The following EPB41L3 variants were observed in gnomAD, a reference collection of about 807,000 sequenced individuals.
EPB41L3 encodes the protein erythrocyte membrane protein band 4.1 like 3.
A neutral mutation model predicts 127.1 loss-of-function variants in EPB41L3; 57 were observed. The observed-to-expected ratio is 0.45, with a 90% CI of 0.36 to 0.56. The LOEUF is 0.56. Ranked by LOEUF, EPB41L3 falls within the 20% of genes least tolerant of loss-of-function variation. The pLI is 0.00. For missense variants in EPB41L3, 1,273 were observed against 1,372.2 expected, an observed-to-expected ratio of 0.93 and a Z score of 1.14; for synonymous variants, 572 against 549.5, an observed-to-expected ratio of 1.04 and a Z score of -0.57.
At chr18:5,551,453 G>A (rs561351131) in intron 3 of EPB41L3, among the ~76,000 whole-genome samples, 14 of 152,286 alleles carry the variant, frequency 9.2e-5, no homozygotes, top group South Asian at 6.2e-4. Context: ...GGCTGGGCAC[G>A]GTGGCTCGCT....
chr18:5,563,719 T>C (rs1243105110), intron 3 of EPB41L3, among the ~76,000 whole-genome samples: 1 of 152,164 alleles, frequency 6.6e-6, no homozygotes, highest in African/African-American at 2.4e-5. Flanking sequence ...GGTGGTGCCA[T>C]TTTTTGATAA....
chr18:5,628,459 G>C (rs77972237), intron 1 of EPB41L3, among the ~76,000 whole-genome samples: 1 of 152,236 alleles, frequency 6.6e-6, no homozygotes, highest in African/African-American at 2.4e-5. Context: ...CCTCCTGGCT[G>C]GGTTGGGTCC....
chr18:5,533,863 C>G (rs186441692), intron 1 of EPB41L3, among the ~76,000 whole-genome samples: 2 of 141,968 alleles, frequency 1.4e-5, no homozygotes, highest in Non-Finnish European at 3.1e-5. Flanking sequence ...AAGTTATGGA[C>G]CAGCCATAAA....
chr18:5,474,133 A>C (rs965568828), intron 3 of EPB41L3, among the ~76,000 whole-genome samples: 2 of 151,980 alleles, frequency 1.3e-5, no homozygotes, highest in African/African-American at 4.8e-5. Flanking sequence ...CAGGAGGCTG[A>C]GGCAGGAGAA....
intron 3 of EPB41L3, among the ~76,000 whole-genome samples, chr18:5,554,290 C>T (rs764181310): frequency 3.3e-5 from 5 of 152,244 alleles, no homozygotes; most frequent in African/African-American, 4.8e-5. Context: ...TGGAACAGTG[C>T]CTGGCATGGA....
At chr18:5,516,870 G>A (rs2092772516) in intron 1 of EPB41L3, among the ~76,000 whole-genome samples, 1 of 152,138 alleles carries the variant, frequency 6.6e-6, no homozygotes, top group Non-Finnish European at 1.5e-5. Flanking sequence ...AACATTACTT[G>A]TAAAATGGTT....
rs115615991 is a variant in EPB41L3 at position 5,415,416 on chromosome 18, T to C, written c.2067+402A>G. Reference sequence around the variant, plus strand: ...CCCTCCGGGGATGCACTCTTCCACCTCTCCTTGACTGTCATTTAAGTTGAA... The same window carrying C: ...CCCTCCGGGGATGCACTCTTCCACCCCTCCTTGACTGTCATTTAAGTTGAA... On this transcript the variant is annotated intron_variant, in intron 13 of 22. Coordinates refer to ENST00000341928, the MANE Select transcript of EPB41L3 (RefSeq NM_012307.5). Among the ~76,000 whole-genome samples, 1,119 of 152,332 alleles carry C rather than the reference T, an allele frequency of 7.3e-3. 6 individuals are homozygous for C. The highest frequency in any genetic ancestry group is 0.026 in the African/African-American group (1,080 of 41,566).
chr18:5,522,917 C>A (rs1268150850), intron 1 of EPB41L3, among the ~76,000 whole-genome samples: 1 of 152,120 alleles, frequency 6.6e-6, no homozygotes, highest in Non-Finnish European at 1.5e-5. Context: ...AATGATATTA[C>A]TTTTATTGCT....
intron 1 of EPB41L3, among the ~76,000 whole-genome samples, chr18:5,623,175 A>G (rs1286902519): frequency 9.2e-5 from 14 of 152,128 alleles, no homozygotes; most frequent in Admixed American, 9.2e-4. Context: ...CAGCATTTTG[A>G]TATGAATCAC....
In EPB41L3 at chr18:5,593,204, C is replaced by A. The variant is rs534598237; in HGVS notation, c.-306+19136G>T. 1.1e-4 allele frequency among the ~76,000 whole-genome samples: 16 copies of A among 152,012 alleles called. No homozygotes were observed. In the South Asian group the frequency reaches 1.3e-3, roughly 12 times the overall value. On this transcript the variant is annotated intron_variant, in intron 3 of 21. Transcript: ENST00000545076. ...TAATTCCCACCCACCTCACCCCCAC[C>A]CCCCTGTCCCTGTATCGGGGGAAAT...
rs376632559 is a variant in EPB41L3 at position 5,415,944 on chromosome 18, G to C, written c.1941C>G (p.Ser647=). Residue 647 remains serine (S), a synonymous_variant, in exon 13 of 23, where the codon TCC becomes TCG. Transcript: ENST00000341928. ...LFIFFFLLSA[S]FSVPYALTLS... is the part of the protein sequence containing the mutation. ...GAGTGAGAGCGTATGGCACTGAGAA[G>C]GAGGCAGACAGCAGAAAGAAAAAGA... 6.2e-7 allele frequency: 1 copy of C among 1,614,150 alleles called. No homozygotes were observed. Among genetic ancestry groups the C allele is most frequent in the Non-Finnish European group, 8.5e-7 (1 of 1,180,032 alleles).
chr18:5,572,929 C>A (rs1011394057), intron 3 of EPB41L3, among the ~76,000 whole-genome samples: 2 of 152,170 alleles, frequency 1.3e-5, no homozygotes, highest in African/African-American at 4.8e-5. Flanking sequence ...CCTCTCCCCA[C>A]TTCTTGCTGC....
intron 1 of EPB41L3, among the ~76,000 whole-genome samples, chr18:5,526,099 A>G (rs1201599330): frequency 2.0e-5 from 3 of 152,220 alleles, no homozygotes; most frequent in Non-Finnish European, 4.4e-5. Context: ...GAGACTCTTT[A>G]AAAAGAGCTT....
intron 3 of EPB41L3, among the ~76,000 whole-genome samples, chr18:5,550,285 C>T (rs2093946199): frequency 6.6e-6 from 1 of 152,130 alleles, no homozygotes; most frequent in Admixed American, 6.5e-5. Flanking sequence ...CTTAGTAAAA[C>T]TTAGTGAACC....
chr18:5,544,069 C>T (rs1324320967), upstream of EPB41L3: 1 of 985,508 alleles, frequency 1.0e-6, no homozygotes, highest in Non-Finnish European at 1.2e-6. Flanking sequence ...CAGGAGACAC[C>T]GAGGCTCCGC....
intron 3 of EPB41L3, among the ~76,000 whole-genome samples, chr18:5,455,219 G>C (rs1652334571): frequency 6.6e-6 from 1 of 151,944 alleles, no homozygotes; most frequent in Non-Finnish European, 1.5e-5. Context: ...ATTTGGAATA[G>C]AGACTGATGT....
chr18:5,537,131 C>G (rs141039377), intron 1 of EPB41L3, among the ~76,000 whole-genome samples: 3 of 152,082 alleles, frequency 2.0e-5, no homozygotes, highest in African/African-American at 7.2e-5. Context: ...ATAGCAAGGC[C>G]GAGAGCCCAA....
chr18:5,523,826 G>A (rs1335854354), intron 1 of EPB41L3, among the ~76,000 whole-genome samples: 1 of 151,756 alleles, frequency 6.6e-6, no homozygotes, highest in African/African-American at 2.4e-5. Context: ...TTGTTTTTGA[G>A]AACTGTCCAA....
intron 1 of EPB41L3, among the ~76,000 whole-genome samples, chr18:5,523,922 GTAGA>G (rs1380814438): frequency 1.3e-5 from 2 of 151,808 alleles, no homozygotes; most frequent in African/African-American, 4.8e-5. Context: ...TGCTCTACAA[GTAGA>G]TATTTAAATG....
Sources: gnomAD v4.1 joint callset for allele counts (sites outside exome capture counted in the v4.1 genomes callset) on GRCh38, gnomAD v4.1.1 for gene constraint, MANE v1.5 for transcripts, NCBI Gene and HGNC (gene_info 2026-07-23, HGNC 2026-07-21) for gene names.